Variants in PACRG observed in about 807,000 individuals in gnomAD.
PACRG encodes parkin coregulated gene protein.
Under a neutral mutation model 29.7 loss-of-function variants are expected in PACRG, and 29 were observed. The observed-to-expected ratio is 0.98, with a 90% CI of 0.73 to 1.33. PACRG has a LOEUF of 1.33. PACRG is among the 40% of genes most tolerant of loss of function. The pLI is 0.00. For missense variants in PACRG, 279 were observed against 316.2 expected (o/e 0.88, Z 0.89); for synonymous variants, 116 against 118.7 (o/e 0.98, Z 0.15).
intron 2 of PACRG, among the ~76,000 whole-genome samples, chr6:162,901,086 T>C (rs1182742763): frequency 3.3e-5 from 5 of 152,162 alleles, no homozygotes; most frequent in Non-Finnish European, 5.9e-5. Context: ...ATACAAACAA[T>C]TTAACCTGGC....
chr6:163,252,386 C>T (rs1037341821), intron 4 of PACRG, among the ~76,000 whole-genome samples: 8 of 152,356 alleles, frequency 5.3e-5, no homozygotes, highest in Non-Finnish European at 1.0e-4. Flanking sequence ...GCGACATCAT[C>T]GGGGAAACAA....
chr6:163,077,995 A>G (rs1045110722), intron 3 of PACRG, among the ~76,000 whole-genome samples: 1 of 152,166 alleles, frequency 6.6e-6, no homozygotes, highest in East Asian at 1.9e-4. Flanking sequence ...AGCTAGATGC[A>G]TTTTCAAGCC....
chr6:162,727,950 A>C, upstream of PACRG: 1 of 594,286 alleles, frequency 1.7e-6, no homozygotes, highest in Non-Finnish European at 3.0e-6. Flanking sequence ...GGGCGGGGCT[A>C]TGCGCCCGCC....
At chr6:162,738,516 C>T (rs753906884) in intron 1 of PACRG, among the ~76,000 whole-genome samples, 4 of 152,178 alleles carry the variant, frequency 2.6e-5, no homozygotes, top group Non-Finnish European at 4.4e-5. Flanking sequence ...TACCTGTTTG[C>T]TATGGGTTCT....
intron 2 of PACRG, among the ~76,000 whole-genome samples, chr6:162,826,174 CCCTTTATGTAAGCAAGTTA>C (rs1430943222): frequency 6.6e-6 from 1 of 152,022 alleles, no homozygotes; most frequent in Non-Finnish European, 1.5e-5. Flanking sequence ...CCATGGAAGT[CCCTTTATGTAAGCAAGTTA>C]CCTTTATGTA....
intron 4 of PACRG, among the ~76,000 whole-genome samples, chr6:163,221,083 A>G (rs1585345005): frequency 2.0e-5 from 3 of 152,244 alleles, no homozygotes; most frequent in South Asian, 4.1e-4. Context: ...ATGGAAATCA[A>G]GCATTTTGAA....
At chr6:163,016,080 G>A (rs1806074296) in intron 2 of PACRG, 1 of 152,110 alleles carries the variant, frequency 6.6e-6, no homozygotes, top group Non-Finnish European at 1.5e-5. Flanking sequence ...TTTGTTGCAG[G>A]CATTAGGTGA....
intron 4 of PACRG, among the ~76,000 whole-genome samples, chr6:163,122,888 G>T (rs1585241697): frequency 6.6e-6 from 1 of 152,316 alleles, no homozygotes; most frequent in East Asian, 1.9e-4. Context: ...CCTTTTGCGT[G>T]TCTGTGTGAG....
intron 4 of PACRG, among the ~76,000 whole-genome samples, chr6:163,241,389 G>C (rs537151219): frequency 6.6e-6 from 1 of 152,246 alleles, no homozygotes; most frequent in African/African-American, 2.4e-5. Context: ...GCTAAGTCTT[G>C]AACTTTATGT....
At chr6:163,146,309 G>C (rs1365743338) in intron 4 of PACRG, among the ~76,000 whole-genome samples, 1 of 152,158 alleles carries the variant, frequency 6.6e-6, no homozygotes, top group Non-Finnish European at 1.5e-5. Flanking sequence ...TTCATTCCTA[G>C]CCTTGGCCAC....
intron 1 of PACRG, among the ~76,000 whole-genome samples, chr6:162,769,766 A>C (rs1190717009): frequency 2.5e-5 from 2 of 80,112 alleles, no homozygotes; most frequent in Non-Finnish European, 4.2e-5. Context: ...GAAGGTTAGC[A>C]AAAAAAAAAA....
At chr6:163,284,450 A>C (rs2128184808) in intron 4 of PACRG, among the ~76,000 whole-genome samples, 1 of 152,370 alleles carries the variant, frequency 6.6e-6, no homozygotes, top group South Asian at 2.1e-4. Context: ...GTGGTCTGGC[A>C]GAGAGCCTTG....
intron 2 of PACRG, among the ~76,000 whole-genome samples, chr6:162,821,511 G>A (rs1037137104): frequency 1.3e-5 from 2 of 152,132 alleles, no homozygotes; most frequent in African/African-American, 4.8e-5. Flanking sequence ...TAAGTCAGAC[G>A]ACCACCAGGG....
chr6:162,761,127 A>T (rs1782326021), intron 1 of PACRG, among the ~76,000 whole-genome samples: 1 of 152,104 alleles, frequency 6.6e-6, no homozygotes, highest in African/African-American at 2.4e-5. Context: ...TCGTGTGATT[A>T]GATAGGATAG....
At chr6:163,253,674 T>C (rs1782995275) in intron 4 of PACRG, among the ~76,000 whole-genome samples, 1 of 152,180 alleles carries the variant, frequency 6.6e-6, no homozygotes. Context: ...AACTGCACTG[T>C]CAGTTTTATA....
chr6:162,863,637 C>T (rs1465160908), intron 2 of PACRG, among the ~76,000 whole-genome samples: 7 of 152,176 alleles, frequency 4.6e-5, no homozygotes, highest in Non-Finnish European at 8.8e-5. Flanking sequence ...ATTTATAGAA[C>T]ATCGATGCTG....
intron 2 of PACRG, among the ~76,000 whole-genome samples, chr6:162,994,762 AGC>A (rs1562812553): frequency 6.7e-6 from 1 of 150,176 alleles, no homozygotes; most frequent in Non-Finnish European, 1.5e-5. Flanking sequence ...TTCTCCATCC[AGC>A]TTTGTTCCGT....
At chr6:162,936,906 G>A (rs534893864) in intron 2 of PACRG, among the ~76,000 whole-genome samples, 110 of 152,114 alleles carry the variant, frequency 7.2e-4, no homozygotes, top group African/African-American at 2.6e-3. Context: ...ATACAACTGG[G>A]TTAAGCATTC....
intron 4 of PACRG, among the ~76,000 whole-genome samples, chr6:163,123,388 G>A (rs1428888478): frequency 1.3e-5 from 2 of 152,230 alleles, no homozygotes; most frequent in African/African-American, 4.8e-5. Context: ...TATCAATGTT[G>A]CCAGCCTGGT....
Sources: allele counts gnomAD v4.1 joint callset (sites outside exome capture counted in the v4.1 genomes callset), GRCh38; gene constraint gnomAD v4.1.1; transcripts MANE v1.5; gene names NCBI Gene and HGNC (gene_info 2026-07-23, HGNC 2026-07-21).